Variants in TBC1D9 observed in about 807,000 individuals in gnomAD.
TBC1D9 encodes the protein TBC1 domain family member 9A.
TBC1D9 carries 63 observed loss-of-function variants against 132.0 expected under a neutral mutation model. The ratio of observed to expected loss-of-function variants is 0.48; its 90% CI spans 0.39 to 0.59. TBC1D9 has a LOEUF of 0.59. TBC1D9 is among the 20% of genes least tolerant of loss of function. TBC1D9 has a pLI of 0.00. For synonymous variants in TBC1D9, 610 were observed against 609.9 expected (o/e 1.00, Z 0.00); for missense variants, 1,261 against 1,592.7 (o/e 0.79, Z 3.54).
At chr4:140,679,510 G>T in intron 4 of TBC1D9, 105 bp downstream of exon 4, 1 of 847,310 alleles carries the variant, frequency 1.2e-6, no homozygotes, top group Non-Finnish European at 1.8e-6. Context: ...TATTGACTTA[G>T]TTATAACTAT....
intron 1 of TBC1D9, among the ~76,000 whole-genome samples, chr4:140,718,242 T>C (rs1265355249): frequency 2.5e-5 from 3 of 121,762 alleles, no homozygotes; most frequent in Non-Finnish European, 4.9e-5. Flanking sequence ...CTGTTCCTTT[T>C]TTCAGAAAAA....
chr4:140,622,782 C>G lies in TBC1D9; in HGVS notation c.3214G>C (p.Ala1072Pro). The G allele has an allele frequency of 1.2e-6, 2 of 1,603,140 alleles. No homozygotes were observed. Among genetic ancestry groups the G allele is most frequent in the Non-Finnish European group, 1.7e-6 (2 of 1,179,198 alleles). Residue 1072 changes from alanine (A) to proline (P), a missense_variant, in exon 21 of 21, where the codon GCC (alanine) becomes CCC (proline). Around this residue, in one of 3 missense-constraint regions of TBC1D9, gnomAD observed 618 missense variants for 724.4 expected, o/e 0.85. Coordinates refer to ENST00000442267, the MANE Select transcript of TBC1D9 (RefSeq NM_015130.3). ...CTCCCGCCCTCCTTTGCAGGCTGGGCCACGAACAACTTGCCGACCTCCCCA... is the reference window on the plus strand; with the variant it reads ...CTCCCGCCCTCCTTTGCAGGCTGGGGCACGAACAACTTGCCGACCTCCCCA... ...EIGEVGKLFV[A>P]QPAKEGGSGG...
At chr4:140,744,968 C>A (rs1371246800) in intron 1 of TBC1D9, among the ~76,000 whole-genome samples, 1 of 149,418 alleles carries the variant, frequency 6.7e-6, no homozygotes, top group East Asian at 2.0e-4. Context: ...CAACTCCTAT[C>A]TTAACCCAGT....
At chr4:140,721,966 C>T (rs6853615) in intron 1 of TBC1D9, among the ~76,000 whole-genome samples, 3,003 of 152,180 alleles carry the variant, frequency 0.02, 108 homozygotes, top group African/African-American at 0.068. Flanking sequence ...CCATGCCTAG[C>T]CTCAGTGGAT....
intron 20 of TBC1D9, among the ~76,000 whole-genome samples, chr4:140,623,629 C>A (rs1437152050): frequency 6.6e-6 from 1 of 152,178 alleles, no homozygotes; most frequent in Non-Finnish European, 1.5e-5. Context: ...CGACACATGC[C>A]CCATCTCCCT....
intron 1 of TBC1D9, among the ~76,000 whole-genome samples, chr4:140,724,319 T>C (rs1028018493): frequency 5.7e-4 from 87 of 152,162 alleles, no homozygotes; most frequent in Non-Finnish European, 1.8e-4. Context: ...AATAGGCAAC[T>C]GGATATAGCT....
At chr4:140,688,867 A>G (rs957398874) in intron 2 of TBC1D9, among the ~76,000 whole-genome samples, 1 of 152,230 alleles carries the variant, frequency 6.6e-6, no homozygotes, top group African/African-American at 2.4e-5. Flanking sequence ...TTTTAAACTT[A>G]AAAATTTTAA....
chr4:140,644,721 G>A (rs1737074336), intron 13 of TBC1D9: 3 of 410,644 alleles, frequency 7.3e-6, no homozygotes, highest in South Asian at 1.9e-5. Flanking sequence ...GCAGCGAAAA[G>A]AGCTGCAACT....
chr4:140,669,698 G>A lies in TBC1D9; in HGVS notation c.1373C>T (p.Thr458Ile). Residue 458 changes from threonine (T) to isoleucine (I), a missense_variant, in exon 8 of 21, where the codon ACA becomes ATA. Thr to Ile is a moderately conservative substitution (Grantham distance 89, BLOSUM62 -1). Coordinates refer to ENST00000442267, the MANE Select transcript of TBC1D9 (RefSeq NM_015130.3). ...CATGGTCATCAGGGTCTGTGTGGCT[G>A]TGGGGACGCTGTTGCCATTTAGGTT... ...QFNLNGNSVP[T>I]ATQTLMTMYR... 1 of 1,614,002 alleles carries A rather than the reference G, an allele frequency of 6.2e-7. No homozygotes were observed. Among genetic ancestry groups the A allele is most frequent in the East Asian group, 2.2e-5 (1 of 44,884 alleles).
chr4:140,744,682 G>C (rs1738810493), intron 1 of TBC1D9, among the ~76,000 whole-genome samples: 1 of 151,944 alleles, frequency 6.6e-6, no homozygotes, highest in African/African-American at 2.4e-5. Context: ...TCAGGAGTTT[G>C]AGACCAGCTT....
intron 1 of TBC1D9, among the ~76,000 whole-genome samples, chr4:140,722,074 T>C (rs1467159088): frequency 1.3e-5 from 2 of 152,144 alleles, no homozygotes; most frequent in Admixed American, 1.3e-4. Context: ...AGTCTGTTTT[T>C]TAATCAATGG....
At chr4:140,629,947 T>G (rs756000866) in intron 16 of TBC1D9, among the ~76,000 whole-genome samples, 1 of 152,206 alleles carries the variant, frequency 6.6e-6, no homozygotes, top group South Asian at 2.1e-4. Context: ...TTCTATAAAA[T>G]GGGCACAATT....
chr4:140,751,179 T>C (rs1738918063), intron 1 of TBC1D9, among the ~76,000 whole-genome samples: 1 of 152,064 alleles, frequency 6.6e-6, no homozygotes, highest in African/African-American at 2.4e-5. Flanking sequence ...ATGTAACCCA[T>C]GAATCTAAAA....
At chr4:140,645,786 G>A (rs1391255285) in intron 13 of TBC1D9, among the ~76,000 whole-genome samples, 1 of 152,074 alleles carries the variant, frequency 6.6e-6, no homozygotes, top group Non-Finnish European at 1.5e-5. Context: ...TTCCCCAAGT[G>A]CATCATGCAG....
At chr4:140,672,612 T>C (rs1489063959) in intron 6 of TBC1D9, among the ~76,000 whole-genome samples, 1 of 152,186 alleles carries the variant, frequency 6.6e-6, no homozygotes, top group Non-Finnish European at 1.5e-5. Context: ...AGCTGGAGCA[T>C]GTATGCAGAA....
chr4:140,679,089 A>C lies in TBC1D9; in HGVS notation c.704T>G (p.Phe235Cys). 6.2e-7 allele frequency: 1 copy of C among 1,613,922 alleles called. No individual in the cohort carries two copies. Among genetic ancestry groups the C allele is most frequent in the Non-Finnish European group, 8.5e-7 (1 of 1,179,862 alleles). The change falls in exon 5 of 21, where the codon TTC (phenylalanine) becomes TGC (cysteine). Residue 235 changes from phenylalanine to cysteine, a missense_variant. By Grantham distance (205) the Phe-to-Cys change is radical (BLOSUM62 -2). Transcript: ENST00000442267. ...CTTGAAGGTCTCGTTGATGTTGAGG[A>C]ATACAGAGAAGAAATGCTCACTGGA... ...TRSSEHFFSV[F>C]LNINETFKLM... is the part of the protein sequence containing the mutation.
intron 13 of TBC1D9, among the ~76,000 whole-genome samples, chr4:140,653,970 A>G (rs1035611888): frequency 6.6e-6 from 1 of 152,222 alleles, no homozygotes; most frequent in Non-Finnish European, 1.5e-5. Flanking sequence ...AATGGGCAAA[A>G]TGCTGACTTC....
chr4:140,700,309 G>A (rs1413597463), intron 2 of TBC1D9, among the ~76,000 whole-genome samples: 4 of 151,582 alleles, frequency 2.6e-5, no homozygotes, highest in Non-Finnish European at 5.9e-5. Context: ...AATTAGCTGG[G>A]CGTGGTGGCA....
At chr4:140,700,532 T>G (rs891450997) in intron 2 of TBC1D9, among the ~76,000 whole-genome samples, 14 of 150,868 alleles carry the variant, frequency 9.3e-5, no homozygotes, top group African/African-American at 3.2e-4. Flanking sequence ...TAAAAAAAAT[T>G]TTTTTTGCTG....
Sources: allele counts gnomAD v4.1 joint callset (sites outside exome capture counted in the v4.1 genomes callset), GRCh38; gene constraint gnomAD v4.1.1; regional missense constraint gnomAD v4.1.1; transcripts MANE v1.5; gene names NCBI Gene and HGNC (gene_info 2026-07-23, HGNC 2026-07-21).